The following MCM3AP variants were observed in gnomAD, a reference collection of about 807,000 sequenced individuals.
The protein encoded by MCM3AP is germinal-center associated nuclear protein.
Under a neutral mutation model 184.1 loss-of-function variants are expected in MCM3AP, and 126 were observed. The ratio of observed to expected loss-of-function variants is 0.68; its 90% CI spans 0.59 to 0.79. The LOEUF (loss-of-function observed/expected upper bound fraction) is 0.79, where lower values mean the gene tolerates loss of function less well. Ranked by LOEUF, MCM3AP falls within the 30% of genes least tolerant of loss-of-function variation. MCM3AP has a pLI of 0.00. For synonymous variants in MCM3AP, 1,002 were observed against 979.3 expected (o/e 1.02, Z -0.43); for missense variants, 2,496 against 2,479.2 (o/e 1.01, Z -0.14).
In MCM3AP at chr21:46,246,637, C is replaced by T. The variant is rs549234804; in HGVS notation, c.4540G>A (p.Val1514Ile). 22 of 1,610,574 alleles carry T rather than the reference C, an allele frequency of 1.4e-5. No individual in the cohort carries two copies. The South Asian group carries it at 1.9e-4, about 14-fold the overall frequency. ...SPGGDAVEKEVEDGLMLQDLV... is the reference protein window; with the variant it reads ...SPGGDAVEKEIEDGLMLQDLV... ...GACTTCCTTCACAAACCATCTTCTA[C>T]TTCCTTCTCAACGGCGTCCCCTCCT... The change falls in exon 21 of 28, where the codon GTA becomes ATA. Residue 1514 changes from valine (V) to isoleucine (I), a missense_variant. Val to Ile is a conservative substitution (Grantham distance 29). Around this residue, in one of 5 missense-constraint regions of MCM3AP, gnomAD observed 1,323 missense variants for 1,273.4 expected, o/e 1.04. Coordinates refer to ENST00000291688, the MANE Select transcript of MCM3AP (RefSeq NM_003906.5).
chr21:46,263,971 G>A (rs1245965045), intron 13 of MCM3AP, 146 bp downstream of exon 13: 2 of 552,936 alleles, frequency 3.6e-6, no homozygotes, highest in Non-Finnish European at 3.2e-6. Flanking sequence ...GAATGTAGGG[G>A]AAAATCTTCC....
In MCM3AP at chr21:46,256,969, G is replaced by A. The variant is rs377767113; in HGVS notation, c.3752C>T (p.Thr1251Ile). The change falls in exon 17 of 28, where the codon ACA becomes ATA. Residue 1251 changes from threonine to isoleucine, a missense_variant. Around this residue, in one of 5 missense-constraint regions of MCM3AP, gnomAD observed 1,323 missense variants for 1,273.4 expected, o/e 1.04. Transcript: ENST00000291688. ...KYLQRWREAV[T>I]ARKKLRRQMR... ...TTGGCGCCTCAGTTTCTTGCGGGCT[G>A]TGACAGCTTCCCTCCACCTGGGGAC... 1 of 1,611,690 alleles carries A rather than the reference G, an allele frequency of 6.2e-7. No individual in the cohort carries two copies. Among genetic ancestry groups the A allele is most frequent in the South Asian group, 1.1e-5 (1 of 90,582 alleles).
In MCM3AP at chr21:46,275,332, G is replaced by A. The variant is rs1223309198; in HGVS notation, c.1859-7C>T. 2 of 1,610,694 alleles carry A rather than the reference G, an allele frequency of 1.2e-6. No individual in the cohort carries two copies. Among genetic ancestry groups the A allele is most frequent in the Non-Finnish European group, 1.7e-6 (2 of 1,178,716 alleles). ...TCGGTTCTCTTCACCCGAGCTAAAT[G>A]ACGTCAAGTAAAAGGTAAGAATGTA... On this transcript the variant is annotated splice_polypyrimidine_tract_variant and splice_region_variant and intron_variant, in intron 5 of 27. Transcript: ENST00000291688.
intron 26 of MCM3AP, among the ~76,000 whole-genome samples, chr21:46,237,381 G>A (rs539568584): frequency 6.6e-6 from 1 of 152,096 alleles, no homozygotes; most frequent in Non-Finnish European, 1.5e-5. Context: ...GGGATTACAG[G>A]AGTGAGCCAC....
chr21:46,286,162 A>C (rs1263413878), upstream of MCM3AP: 1 of 152,256 alleles, frequency 6.6e-6, no homozygotes, highest in Non-Finnish European at 1.5e-5. Flanking sequence ...GTCTCGCCCC[A>C]GGACCCCGAG....
chr21:46,251,561 C>T lies in MCM3AP; in HGVS notation c.4258G>A (p.Asp1420Asn), dbSNP rs751748111. 1.9e-6 allele frequency: 3 copies of T among 1,612,122 alleles called. No individual in the cohort carries two copies. The highest frequency in any genetic ancestry group is 2.2e-5 in the South Asian group (2 of 90,988). ...CACACGTTAACAGAAATCATCTGAT[C>T]CCCTTTGCTGCTAAGTGAGTTGAAA... Reference protein sequence around the residue: ...SLFNSLSSKGDQMISVNVCIK... With the variant: ...SLFNSLSSKGNQMISVNVCIK... The change falls in exon 20 of 28, where the codon GAT (aspartate) becomes AAT (asparagine). Residue 1420 changes from aspartate (D) to asparagine (N), a missense_variant. Physicochemically the swap from Asp to Asn is conservative, Grantham distance 23. Transcript: ENST00000291688.
intron 9 of MCM3AP, 122 bp downstream of exon 9, chr21:46,270,279 T>TG (rs2081163317): frequency 1.1e-6 from 1 of 932,200 alleles, no homozygotes; most frequent in Admixed American, 2.5e-5. Flanking sequence ...GTGGGGCTGC[T>TG]GCAAGGGTGA....
chr21:46,250,377 T>C (rs978891670), intron 20 of MCM3AP: 1 of 152,218 alleles, frequency 6.6e-6, no homozygotes, highest in Non-Finnish European at 1.5e-5. Flanking sequence ...CCCCCCTGAT[T>C]CCACCTAGTG....
chr21:46,251,661 T>G lies in MCM3AP; in HGVS notation c.4158A>C (p.Lys1386Asn). ...AGCCTTCATCTCCCATGAACTTGAC[T>G]TTTAACCAATTTGCTAGAATTCTAC... ...SCGRILANWL[K>N]VKFMGDEGSV... is the part of the protein sequence containing the mutation. Residue 1386 changes from lysine (K) to asparagine (N), a missense_variant, in exon 20 of 28, where the codon AAA becomes AAC. Transcript: ENST00000291688. The G allele has an allele frequency of 6.3e-7, 1 of 1,590,302 alleles. No homozygotes were observed. Among genetic ancestry groups the G allele is most frequent in the Non-Finnish European group, 8.6e-7 (1 of 1,161,370 alleles).
In MCM3AP at chr21:46,240,822, T is replaced by C. The variant is rs2123810643; in HGVS notation, c.5622A>G (p.Glu1874=). ...GAAGTGGGCTTCACCTCTTGTTCTC[T>C]TCTTTCTCCAGCAGCAGACTGCTCG... ...CLSSSLLLEK[E]ENKRFEDQLQ... Residue 1874 remains glutamate (E), a synonymous_variant, in exon 26 of 28, where the codon GAA becomes GAG. Coordinates refer to ENST00000291688, the MANE Select transcript of MCM3AP (RefSeq NM_003906.5). 2 of 1,614,126 alleles carry C rather than the reference T, an allele frequency of 1.2e-6. No individual in the cohort carries two copies. Among genetic ancestry groups the C allele is most frequent in the Non-Finnish European group, 1.7e-6 (2 of 1,180,012 alleles).
chr21:46,266,174 G>A lies in MCM3AP; in HGVS notation c.2790-8C>T, dbSNP rs1218843998. The stretch of plus-strand genomic sequence containing the variant: ...CGGTTCAGCTCCACACAGCTACCCA[G>A]ACCACAAAAGACCCCCGAGGGGTGT... On this transcript the variant is annotated splice_region_variant and splice_polypyrimidine_tract_variant and intron_variant, in intron 10 of 27. Transcript: ENST00000291688. 5 of 1,591,418 alleles carry A rather than the reference G, an allele frequency of 3.1e-6. No homozygotes were observed. The highest frequency in any genetic ancestry group is 4.3e-6 in the Non-Finnish European group (5 of 1,166,402).
chr21:46,241,766 A>G (rs934124037), intron 25 of MCM3AP: 1 of 152,224 alleles, frequency 6.6e-6, no homozygotes, highest in Non-Finnish European at 1.5e-5. Flanking sequence ...CTGAACCTCA[A>G]TGGTTCAGGT....
Position 46,284,397 on chromosome 21 carries a change from T to C in MCM3AP, c.890A>G (p.Gln297Arg). Residue 297 changes from glutamine to arginine, a missense_variant, in exon 1 of 28, where the codon CAG (glutamine) becomes CGG (arginine). By Grantham distance (43) the Gln-to-Arg change is conservative. This residue lies in a region of MCM3AP where 800 missense variants were observed against 717.1 expected (regional missense o/e 1.12). Coordinates refer to ENST00000291688, the MANE Select transcript of MCM3AP (RefSeq NM_003906.5). The part of the protein sequence containing the change: ...LMKGLKRKED[Q>R]DRSPRRHGHE... ...GCCATGTCTCCTTGGGGAGCGATCCTGGTCCTCCTTCCTTTTCAGTCCTTT... is the reference window on the plus strand; with the variant it reads ...GCCATGTCTCCTTGGGGAGCGATCCCGGTCCTCCTTCCTTTTCAGTCCTTT... The C allele has an allele frequency of 1.2e-6, 2 of 1,614,192 alleles. No individual in the cohort carries two copies. Among genetic ancestry groups the C allele is most frequent in the Non-Finnish European group, 1.7e-6 (2 of 1,180,038 alleles).
At chr21:46,281,647 C>T (rs1344028150) in intron 2 of MCM3AP, among the ~76,000 whole-genome samples, 1 of 151,334 alleles carries the variant, frequency 6.6e-6, no homozygotes, top group African/African-American at 2.4e-5. Context: ...CATAGTGAAA[C>T]TTCATCTCAA....
chr21:46,279,689 T>C (rs916363340), intron 4 of MCM3AP, among the ~76,000 whole-genome samples: 9 of 149,550 alleles, frequency 6.0e-5, no homozygotes, highest in Non-Finnish European at 1.1e-4. Context: ...ACCTTGGCCC[T>C]AGGGTATATG....
rs200052361 is a variant in MCM3AP, at chr21:46,254,785, T to C, written c.3992A>G (p.Gln1331Arg). The C allele has an allele frequency of 1.9e-6, 3 of 1,613,904 alleles. No homozygotes were observed. The highest frequency in any genetic ancestry group is 1.7e-5 in the Admixed American group (1 of 60,004). ...HQMKVQHFYQ[Q>R]LLSDVAWASL... ...GTGCAGCATGACAGACCTCAGCAGC[T>C]GCTGGTAGAAGTGCTGAACCTTCAT... Residue 1331 changes from glutamine (Q) to arginine (R), a missense_variant, in exon 18 of 28, where the codon CAG (glutamine) becomes CGG (arginine). Gln to Arg is a conservative substitution (Grantham distance 43, BLOSUM62 1). Around this residue, in one of 5 missense-constraint regions of MCM3AP, gnomAD observed 1,323 missense variants for 1,273.4 expected, o/e 1.04. Coordinates refer to ENST00000291688, the MANE Select transcript of MCM3AP (RefSeq NM_003906.5).
chr21:46,273,521 G>A lies in MCM3AP; in HGVS notation c.2063C>T (p.Pro688Leu). 3 of 1,613,902 alleles carry A rather than the reference G, an allele frequency of 1.9e-6. No individual in the cohort carries two copies. The highest frequency in any genetic ancestry group is 2.5e-6 in the Non-Finnish European group (3 of 1,179,858). The part of the protein sequence containing the change: ...RSSADQEEPL[P>L]HELRPLPVLS... ...CACTGGCAAGGGCCGCAGCTCGTGGGGCAGGGGCTCCTCCTGATCCGCCGA... is the reference window on the plus strand; with the variant it reads ...CACTGGCAAGGGCCGCAGCTCGTGGAGCAGGGGCTCCTCCTGATCCGCCGA... Residue 688 changes from proline to leucine, a missense_variant, in exon 7 of 28, where the codon CCC becomes CTC. Pro to Leu is a moderately conservative substitution (Grantham distance 98, BLOSUM62 -3). Transcript: ENST00000291688.
Position 46,267,097 on chromosome 21 carries a change from T to C in MCM3AP, c.2674A>G (p.Ser892Gly), listed in dbSNP as rs1434351155. The C allele has an allele frequency of 6.2e-7, 1 of 1,614,084 alleles. No individual in the cohort carries two copies. The highest frequency in any genetic ancestry group is 1.7e-5 in the Admixed American group (1 of 60,024). ...GGAAAGATGGTAGATCGCTGTGTGC[T>C]CACCGTGTACGCAAAGTTGAGCGCC... Reference protein sequence around the residue: ...LRALNFAYTVSTQRSTIFPLD... With the variant: ...LRALNFAYTVGTQRSTIFPLD... The change falls in exon 10 of 28, where the codon AGC (serine) becomes GGC (glycine). Residue 892 changes from serine (S) to glycine (G), a missense_variant. Around this residue, in one of 5 missense-constraint regions of MCM3AP, gnomAD observed 138 missense variants for 191.9 expected, o/e 0.72. Coordinates refer to ENST00000291688, the MANE Select transcript of MCM3AP (RefSeq NM_003906.5).
chr21:46,243,775 A>G (rs757751715), intron 23 of MCM3AP, 53 bp from the exon 24 acceptor site: 88 of 1,577,338 alleles, frequency 5.6e-5, no homozygotes, highest in Non-Finnish European at 7.5e-5. Flanking sequence ...ACAGGTGAAA[A>G]TGTACATGAA....
Sources: allele counts gnomAD v4.1 joint callset (sites outside exome capture counted in the v4.1 genomes callset), GRCh38; gene constraint gnomAD v4.1.1; regional missense constraint gnomAD v4.1.1; transcripts MANE v1.5; gene names NCBI Gene and HGNC (gene_info 2026-07-23, HGNC 2026-07-21).